Variants in SLC8A3 observed in about 807,000 individuals in gnomAD.
SLC8A3 encodes sodium/calcium exchanger 3.
Under a neutral mutation model 65.4 loss-of-function variants are expected in SLC8A3, and 37 were observed. That is an observed-to-expected ratio of 0.57 (90% CI 0.44 to 0.74). The LOEUF (loss-of-function observed/expected upper bound fraction) is 0.74. SLC8A3 is among the 30% of genes least tolerant of loss of function. The pLI is 0.00. For synonymous variants in SLC8A3, 461 were observed against 444.5 expected, an observed-to-expected ratio of 1.04 and a Z score of -0.47; for missense variants, 1,112 against 1,172.1, an observed-to-expected ratio of 0.95 and a Z score of 0.75.
chr14:70,085,989 G>A (rs564832197), intron 2 of SLC8A3, among the ~76,000 whole-genome samples: 1 of 152,324 alleles, frequency 6.6e-6, no homozygotes, highest in African/African-American at 2.4e-5. Context: ...CATAGTGCAT[G>A]TCCTTAACCA....
Position 70,048,899 on chromosome 14 carries a change from C to CGA in SLC8A3, c.2255_2256dup (p.Ala753SerfsTer67). 6.2e-7 allele frequency: 1 copy of CGA among 1,614,116 alleles called. No individual in the cohort carries two copies. Among genetic ancestry groups the CGA allele is most frequent in the Non-Finnish European group, 8.5e-7 (1 of 1,180,018 alleles). On this transcript the variant is annotated frameshift_variant, in exon 6 of 7. Transcript: ENST00000356921. LOFTEE classifies it high-confidence loss of function. ...ATGCCAATGATGAGGATGGAGACGG[C>CGA]GAAGCAGGCCCAGCCGTGGCAGTAC...
chr14:70,140,004 C>T (rs1054682630), intron 2 of SLC8A3, among the ~76,000 whole-genome samples: 1 of 152,014 alleles, frequency 6.6e-6, no homozygotes, highest in Admixed American at 6.6e-5. Context: ...TCAGCTGGTG[C>T]CAAAGTAATT....
chr14:70,096,107 C>T (rs940813584), intron 2 of SLC8A3, among the ~76,000 whole-genome samples: 1 of 152,124 alleles, frequency 6.6e-6, no homozygotes, highest in Non-Finnish European at 1.5e-5. Context: ...GTCTTGAACT[C>T]CTGACCTCAG....
chr14:70,054,708 T>C (rs11629254), intron 3 of SLC8A3, among the ~76,000 whole-genome samples: 13,062 of 152,078 alleles, frequency 0.086, 591 homozygotes, highest in Non-Finnish European at 0.11. Context: ...GAAGCTGGAG[T>C]AACTGTGTTT....
chr14:70,169,955 C>T (rs1383112516), intron 1 of SLC8A3, among the ~76,000 whole-genome samples: 1 of 152,102 alleles, frequency 6.6e-6, no homozygotes, highest in Non-Finnish European at 1.5e-5. Context: ...AACTCTTTCT[C>T]CATTTCTACC....
At position 70,168,215 on chromosome 14, in the gene SLC8A3, G is replaced by A. The variant is rs775848652; in HGVS notation, c.208C>T (p.Leu70Phe). ...ATGACCCTGGCAATCTTGTCCCCAA[G>A]GGAAGGGTTCTCCGGGTACCAGATT... ...LPIWYPENPS[L>F]GDKIARVIVY... is the part of the protein sequence containing the mutation. The change falls in exon 2 of 7, where the codon CTT (leucine) becomes TTT (phenylalanine). Residue 70 changes from leucine (L) to phenylalanine (F), a missense_variant. Physicochemically the swap from Leu to Phe is conservative, Grantham distance 22. Coordinates refer to ENST00000356921, the MANE Select transcript of SLC8A3 (RefSeq NM_182932.3). 3.7e-6 allele frequency: 6 copies of A among 1,614,030 alleles called. No individual in the cohort carries two copies. In the Admixed American group the frequency reaches 1.0e-4, roughly 27 times the overall value.
chr14:70,168,096 C>T lies in SLC8A3; in HGVS notation c.327G>A (p.Glu109=), dbSNP rs753252622. Residue 109 remains glutamate (E), a synonymous_variant, in exon 2 of 7, where the codon GAG becomes GAA. Transcript: ENST00000356921. ...MASIEVITSQ[E]REVTIKKPNG... is the part of the protein sequence containing the mutation. ...TGGGTTTCTTAATTGTCACCTCCCT[C>T]TCTTGAGAGGTGATGACTTCAATAG... is the stretch of plus-strand genomic sequence containing the variant. The T allele has an allele frequency of 7.4e-6, 12 of 1,613,954 alleles. No individual in the cohort carries two copies. The highest frequency in any genetic ancestry group is 1.0e-5 in the Non-Finnish European group (12 of 1,179,972).
At chr14:70,055,130 GA>G (rs1314653679) in intron 3 of SLC8A3, among the ~76,000 whole-genome samples, 1 of 152,058 alleles carries the variant, frequency 6.6e-6, no homozygotes, top group East Asian at 1.9e-4. Context: ...TTCTGCATGA[GA>G]ATCTCTTCAA....
At chr14:70,139,908 C>G (rs552191466) in intron 2 of SLC8A3, among the ~76,000 whole-genome samples, 2 of 152,248 alleles carry the variant, frequency 1.3e-5, no homozygotes, top group East Asian at 3.9e-4. Context: ...AGGCATCTCC[C>G]CCTTTCCCTT....
chr14:70,171,522 C>G (rs1897533303), intron 1 of SLC8A3, among the ~76,000 whole-genome samples: 1 of 152,140 alleles, frequency 6.6e-6, no homozygotes, highest in African/African-American at 2.4e-5. Flanking sequence ...AAGGCAAGGC[C>G]TGGCTCAGTG....
At chr14:70,066,118 A>G (rs1216996989) in intron 2 of SLC8A3, among the ~76,000 whole-genome samples, 1 of 152,212 alleles carries the variant, frequency 6.6e-6, no homozygotes, top group East Asian at 1.9e-4. Flanking sequence ...GCCAGCCAGA[A>G]CCACCATCAG....
At chr14:70,056,198 T>C (rs925517188) in intron 3 of SLC8A3, among the ~76,000 whole-genome samples, 1 of 152,218 alleles carries the variant, frequency 6.6e-6, no homozygotes, top group South Asian at 2.1e-4. Context: ...AATCCAGTTA[T>C]CATGAAAACT....
At chr14:70,160,984 C>A (rs373502686) in intron 2 of SLC8A3, among the ~76,000 whole-genome samples, 1 of 151,078 alleles carries the variant, frequency 6.6e-6, no homozygotes, top group East Asian at 1.9e-4. Flanking sequence ...GTGGCTCACG[C>A]CTGTAATCCC....
In SLC8A3 at chr14:70,168,001, A is replaced by G; in HGVS notation, c.422T>C (p.Leu141Pro). 1 of 1,614,212 alleles carries G rather than the reference A, an allele frequency of 6.2e-7. No homozygotes were observed. The highest frequency in any genetic ancestry group is 1.3e-5 in the African/African-American group (1 of 75,058). The change falls in exon 2 of 7, where the codon CTG (leucine) becomes CCG (proline). Residue 141 changes from leucine (L) to proline (P), a missense_variant. Leu to Pro is a moderately conservative substitution (Grantham distance 98). Transcript: ENST00000356921. ...GAGTATCTCAGGAGCAGAGGAACCC[A>G]GGGCCATAAGGGTCAGGTTGGAGAC... is the stretch of plus-strand genomic sequence containing the variant. ...ETVSNLTLMALGSSAPEILLS... is the reference protein window; with the variant it reads ...ETVSNLTLMAPGSSAPEILLS...
intron 2 of SLC8A3, among the ~76,000 whole-genome samples, chr14:70,086,357 T>A (rs556164585): frequency 0.024 from 3,685 of 152,106 alleles, 138 homozygotes; most frequent in African/African-American, 0.084. Context: ...AAAAACAATT[T>A]TTTTAATTTA....
intron 2 of SLC8A3, among the ~76,000 whole-genome samples, chr14:70,119,951 G>T (rs1434104402): frequency 6.6e-6 from 1 of 152,212 alleles, no homozygotes; most frequent in Admixed American, 6.5e-5. Flanking sequence ...TTTGCATCTA[G>T]GTTGGGCCAC....
chr14:70,078,787 G>T (rs1371471750), intron 2 of SLC8A3, among the ~76,000 whole-genome samples: 5 of 152,178 alleles, frequency 3.3e-5, no homozygotes, highest in African/African-American at 9.7e-5. Context: ...AACCTCACTT[G>T]TATGGCTATT....
chr14:70,104,632 G>T (rs1388253544), intron 2 of SLC8A3, among the ~76,000 whole-genome samples: 1 of 152,102 alleles, frequency 6.6e-6, no homozygotes, highest in Non-Finnish European at 1.5e-5. Context: ...AATTAAATTA[G>T]AAATCAATAA....
chr14:70,171,628 C>A (rs1316246297), intron 1 of SLC8A3, among the ~76,000 whole-genome samples: 2 of 152,080 alleles, frequency 1.3e-5, no homozygotes, highest in African/African-American at 4.8e-5. Flanking sequence ...TGGCAAAACC[C>A]CATCTCTACT....
Sources: allele counts gnomAD v4.1 joint callset (sites outside exome capture counted in the v4.1 genomes callset), GRCh38; gene constraint gnomAD v4.1.1; transcripts MANE v1.5; gene names NCBI Gene and HGNC (gene_info 2026-07-23, HGNC 2026-07-21).